SHISA9: variants seen among roughly 807,000 people sequenced by gnomAD.
The protein encoded by SHISA9 is protein shisa-9.
SHISA9 carries 13 observed loss-of-function variants against 38.0 expected under a neutral mutation model. That is an observed-to-expected ratio of 0.34 (90% CI 0.22 to 0.54). SHISA9 has a LOEUF of 0.54. Among genes scored for constraint, SHISA9 ranks in the 20% least tolerant of loss-of-function variants. The probability of loss-of-function intolerance (pLI) is 0.91; values close to 1 mark genes in which losing one functional copy is unlikely to be tolerated. For synonymous variants in SHISA9, 275 were observed against 242.0 expected (o/e 1.14, Z -1.27); for missense variants, 538 against 575.8 (o/e 0.93, Z 0.67).
chr16:13,465,833 G>A, the SHISA9 span, among the ~76,000 whole-genome samples: 250 of 152,320 alleles, frequency 1.6e-3, 1 homozygote, highest in African/African-American at 5.8e-3. Flanking sequence ...GGTCAAATGT[G>A]GCCCACTGCC....
the SHISA9 span, among the ~76,000 whole-genome samples, chr16:13,552,282 G>A: frequency 5.9e-5 from 9 of 152,030 alleles, no homozygotes; most frequent in Non-Finnish European, 1.2e-4. Context: ...GAGTCTCCCC[G>A]GTGGTTCCCC....
chr16:13,270,590 G>C, the SHISA9 span, among the ~76,000 whole-genome samples: 1 of 152,196 alleles, frequency 6.6e-6, no homozygotes, highest in Non-Finnish European at 1.5e-5. Flanking sequence ...GTAGTCAAAA[G>C]TGTACCAGCT....
chr16:13,106,666 C>T (rs988369998), intron 2 of SHISA9, among the ~76,000 whole-genome samples: 1 of 152,078 alleles, frequency 6.6e-6, no homozygotes, highest in African/African-American at 2.4e-5. Context: ...ACCCTGATCA[C>T]AGGGATTGGT....
the SHISA9 span, among the ~76,000 whole-genome samples, chr16:13,362,648 A>G: frequency 6.6e-6 from 1 of 152,210 alleles, no homozygotes; most frequent in South Asian, 2.1e-4. Flanking sequence ...GAGAAATTTT[A>G]TGAAGCACTT....
chr16:13,190,809 A>G (rs2050877592), intron 2 of SHISA9, among the ~76,000 whole-genome samples: 1 of 152,158 alleles, frequency 6.6e-6, no homozygotes, highest in African/African-American at 2.4e-5. Context: ...TTTCCATCCT[A>G]AATGGTTCAA....
chr16:13,405,496 G>T, the SHISA9 span, among the ~76,000 whole-genome samples: 24 of 152,286 alleles, frequency 1.6e-4, no homozygotes, highest in African/African-American at 5.8e-4. Flanking sequence ...TTTATTTTAG[G>T]TTTGGGGTGA....
At chr16:13,118,369 G>A (rs1335701801) in intron 2 of SHISA9, among the ~76,000 whole-genome samples, 5 of 152,100 alleles carry the variant, frequency 3.3e-5, no homozygotes, top group African/African-American at 1.2e-4. Flanking sequence ...GCCCTAAAGA[G>A]CAAGGAGGAA....
In SHISA9 at chr16:13,234,957, A is replaced by ACTCT. The variant is rs71147791; in HGVS notation, c.896-46_896-43dup. On this transcript the variant is annotated intron_variant, in intron 4 of 4. Transcript: ENST00000558583. ...TCTTGGGTTGACATGCCAGTCTCTA[A>ACTCT]CTCTCTCTCTCTCTCTCTCTCTCTC... The ACTCT allele has an allele frequency of 9.5e-3, 12,508 of 1,321,630 alleles. 81 individuals are homozygous for ACTCT. The highest frequency in any genetic ancestry group is 0.069 in the African/African-American group (3,829 of 55,378). 81.9% of individuals were successfully genotyped at this position (1,321,630 alleles called of 1,614,324 possible).
At chr16:13,467,562 T>A in the SHISA9 span, among the ~76,000 whole-genome samples, 2 of 152,314 alleles carry the variant, frequency 1.3e-5, no homozygotes, top group East Asian at 3.9e-4. Context: ...TTTCTTCAAC[T>A]CCATGATCCC....
chr16:13,074,013 A>G (rs2141926614), intron 2 of SHISA9, among the ~76,000 whole-genome samples: 1 of 135,566 alleles, frequency 7.4e-6, no homozygotes, highest in East Asian at 2.4e-4. Flanking sequence ...TCTGTTGCCC[A>G]GGCTGGAATG....
At chr16:13,073,782 G>A (rs2141926126) in intron 2 of SHISA9, among the ~76,000 whole-genome samples, 1 of 152,206 alleles carries the variant, frequency 6.6e-6, no homozygotes, top group South Asian at 2.1e-4. Flanking sequence ...CCATGTGAAT[G>A]GGAACGAGGC....
intron 2 of SHISA9, among the ~76,000 whole-genome samples, chr16:13,119,763 C>T (rs1030211442): frequency 1.3e-5 from 2 of 152,270 alleles, no homozygotes; most frequent in South Asian, 2.1e-4. Flanking sequence ...ATGGATCTTA[C>T]GTTTAGCTCA....
At chr16:13,038,910 C>T (rs8050228) in intron 2 of SHISA9, among the ~76,000 whole-genome samples, 91,495 of 151,922 alleles carry the variant, frequency 0.6, 28,520 homozygotes, top group Middle Eastern at 0.74. Context: ...TAAAGAATTC[C>T]CAATATTATT....
chr16:13,235,057 C>A lies in SHISA9; in HGVS notation c.923C>A (p.Thr308Asn), dbSNP rs879741742. ...KADKVNDDFY[T>N]KRRHLAELAA... Reference sequence around the variant, plus strand: ...GACAAGGTCAATGACGACTTCTACACCAAGCGACGGCACCTGGCTGAGCTG... The same window carrying A: ...GACAAGGTCAATGACGACTTCTACAACAAGCGACGGCACCTGGCTGAGCTG... Residue 308 changes from threonine (T) to asparagine (N), a missense_variant, in exon 5 of 5, where the codon ACC becomes AAC. By Grantham distance (65) the Thr-to-Asn change is moderately conservative. This residue lies in a region of SHISA9 where 326 missense variants were observed against 305.9 expected (regional missense o/e 1.07). Coordinates refer to ENST00000558583, the MANE Select transcript of SHISA9 (RefSeq NM_001145204.3). 10 of 1,551,124 alleles carry A rather than the reference C, an allele frequency of 6.4e-6. No individual in the cohort carries two copies. The highest frequency in any genetic ancestry group is 8.7e-6 in the Non-Finnish European group (10 of 1,146,790).
At chr16:13,493,429 C>G in the SHISA9 span, among the ~76,000 whole-genome samples, 2 of 152,166 alleles carry the variant, frequency 1.3e-5, no homozygotes, top group Non-Finnish European at 2.9e-5. Flanking sequence ...GTGAAGAATT[C>G]ACTCTTGGCT....
intron 2 of SHISA9, among the ~76,000 whole-genome samples, chr16:12,931,202 G>A (rs758114115): frequency 1.3e-5 from 2 of 152,172 alleles, no homozygotes; most frequent in African/African-American, 2.4e-5. Context: ...GAGGGAGGAG[G>A]TTCTTCTTGC....
At chr16:13,287,778 T>C in the SHISA9 span, among the ~76,000 whole-genome samples, 149,118 of 152,298 alleles carry the variant, frequency 0.98, 73,017 homozygotes, top group East Asian at 1. Context: ...GAAATTCAGC[T>C]GAACAATGAT....
chr16:13,561,887 A>G, the SHISA9 span, among the ~76,000 whole-genome samples: 3 of 152,018 alleles, frequency 2.0e-5, no homozygotes, highest in African/African-American at 7.2e-5. Context: ...AAAGCAAAAG[A>G]CAGCTGTATT....
chr16:13,074,362 A>C (rs143923982), intron 2 of SHISA9, among the ~76,000 whole-genome samples: 60 of 152,266 alleles, frequency 3.9e-4, no homozygotes, highest in African/African-American at 1.4e-3. Flanking sequence ...TCTGATTCAC[A>C]ATAAAGTTTG....
Sources: gnomAD v4.1 joint callset for allele counts (sites outside exome capture counted in the v4.1 genomes callset) on GRCh38, gnomAD v4.1.1 for gene constraint, gnomAD v4.1.1 regional missense constraint, MANE v1.5 for transcripts, NCBI Gene and HGNC (gene_info 2026-07-23, HGNC 2026-07-21) for gene names.